Variants in NIPBL observed in about 807,000 individuals in gnomAD.
NIPBL encodes NIPBL cohesin loading factor, also known as nipped-B-like protein.
NIPBL carries 19 observed loss-of-function variants against 321.8 expected under a neutral mutation model. The observed-to-expected ratio is 0.06, with a 90% CI of 0.04 to 0.09. NIPBL has a LOEUF of 0.09. Ranked by LOEUF, NIPBL falls within the 10% of genes least tolerant of loss-of-function variation. NIPBL has a pLI of 1.00. For missense variants in NIPBL, 2,210 were observed against 3,327.0 expected (o/e 0.66, Z 8.26); for synonymous variants, 1,106 against 1,114.1 (o/e 0.99, Z 0.14).
chr5:36,901,643 G>A (rs1323063186), intron 1 of NIPBL, among the ~76,000 whole-genome samples: 1 of 151,694 alleles, frequency 6.6e-6, no homozygotes, highest in Non-Finnish European at 1.5e-5. Flanking sequence ...CCAAGTAGCG[G>A]GGATTACAGG....
At chr5:37,003,103 G>A (rs964225718) in intron 15 of NIPBL, among the ~76,000 whole-genome samples, 158 bp from the exon 16 acceptor site, 2 of 151,580 alleles carry the variant, frequency 1.3e-5, no homozygotes, top group African/African-American at 2.4e-5. Flanking sequence ...ATTTAGGGTC[G>A]TTGAGTAGAA....
At chr5:36,968,430 G>A (rs1405458804) in intron 6 of NIPBL, among the ~76,000 whole-genome samples, 2 of 151,972 alleles carry the variant, frequency 1.3e-5, no homozygotes, top group East Asian at 1.9e-4. Context: ...TTAGCTAGGC[G>A]TAGTGGCAGG....
At chr5:37,057,078 C>G in intron 42 of NIPBL, 108 bp from the exon 43 acceptor site, 1 of 1,054,560 alleles carries the variant, frequency 9.5e-7, no homozygotes, top group African/African-American at 1.6e-5. Context: ...TTATCTCTGT[C>G]TAACATTAAG....
chr5:37,064,174 A>G, intron 46 of NIPBL, 196 bp downstream of exon 46: 2 of 1,419,672 alleles, frequency 1.4e-6, no homozygotes, highest in Non-Finnish European at 1.8e-6. Context: ...GACAATAAAA[A>G]AACAGAAATG....
At chr5:36,964,381 G>C (rs1464626886) in intron 6 of NIPBL, among the ~76,000 whole-genome samples, 1 of 152,068 alleles carries the variant, frequency 6.6e-6, no homozygotes, top group Non-Finnish European at 1.5e-5. Flanking sequence ...AAATCAGCTT[G>C]ATACTAGCAT....
rs370599543 is a variant in NIPBL, at chr5:37,016,216, A to G, written c.4776+46A>G. 5.1e-5 allele frequency: 79 copies of G among 1,561,784 alleles called. No individual in the cohort carries two copies. In the African/African-American group the frequency reaches 9.9e-4, roughly 19 times the overall value. ...GATTATTAGATTACTAGAAGACAAC[A>G]TAATGAGGATGTACTCTGATTCACA... On this transcript the variant is annotated intron_variant, in intron 23 of 46. Transcript: ENST00000282516.
chr5:36,959,538 G>C (rs1316766802), intron 4 of NIPBL, among the ~76,000 whole-genome samples: 2 of 152,214 alleles, frequency 1.3e-5, no homozygotes, highest in Non-Finnish European at 2.9e-5. Context: ...AAGGAAGCTA[G>C]AGTTATGACG....
intron 42 of NIPBL, among the ~76,000 whole-genome samples, chr5:37,055,253 A>G (rs1753974516): frequency 6.6e-6 from 1 of 151,098 alleles, no homozygotes; most frequent in Non-Finnish European, 1.5e-5. Flanking sequence ...TGGGAGGCTG[A>G]GGCATGAGAA....
intron 1 of NIPBL, among the ~76,000 whole-genome samples, chr5:36,940,404 G>A (rs759457630): frequency 4.6e-5 from 7 of 152,076 alleles, no homozygotes; most frequent in Non-Finnish European, 8.8e-5. Context: ...TAATTTGTAC[G>A]TACCTTTTCT....
chr5:36,901,298 A>G (rs1340812415), intron 1 of NIPBL, among the ~76,000 whole-genome samples: 2 of 152,158 alleles, frequency 1.3e-5, no homozygotes, highest in Non-Finnish European at 2.9e-5. Flanking sequence ...ATGGCTACAT[A>G]GTATTCCATG....
At position 37,017,055 on chromosome 5, in the gene NIPBL, T is replaced by G. The variant is rs1283439560; in HGVS notation, c.4813T>G (p.Leu1605Val). The part of the protein sequence containing the change: ...QFSNKSTEMA[L>V]RVASLDYLGT... ...CAGTAACAAGTCAACAGAGATGGCT[T>G]TAAGAGTGGCATCTCTTGATTACCT... The change falls in exon 24 of 47, where the codon TTA (leucine) becomes GTA (valine). Residue 1605 changes from leucine to valine, a missense_variant. Leu to Val is a conservative substitution (Grantham distance 32). Coordinates refer to ENST00000282516, the MANE Select transcript of NIPBL (RefSeq NM_133433.4). 2 of 1,611,636 alleles carry G rather than the reference T, an allele frequency of 1.2e-6. No homozygotes were observed. The highest frequency in any genetic ancestry group is 1.7e-6 in the Non-Finnish European group (2 of 1,178,602).
chr5:36,902,169 G>T (rs1018142857), intron 1 of NIPBL, among the ~76,000 whole-genome samples: 2 of 151,878 alleles, frequency 1.3e-5, no homozygotes, highest in Non-Finnish European at 2.9e-5. Context: ...ACCTTTGTTG[G>T]ATGTATCGTT....
chr5:36,979,188 G>C (rs998728922), intron 9 of NIPBL, among the ~76,000 whole-genome samples: 1 of 151,700 alleles, frequency 6.6e-6, no homozygotes, highest in Non-Finnish European at 1.5e-5. Flanking sequence ...AGTATAGTCA[G>C]TTTTAACAAT....
intron 46 of NIPBL, 179 bp from the exon 47 acceptor site, chr5:37,064,348 A>ACAAGTAT (rs1755159231): frequency 3.0e-6 from 3 of 985,186 alleles, no homozygotes; most frequent in Non-Finnish European, 3.6e-6. Context: ...ATATGGTTTT[A>ACAAGTAT]CAAGTATATG....
chr5:36,984,317 A>G (rs1218241737), intron 9 of NIPBL, among the ~76,000 whole-genome samples: 2 of 152,048 alleles, frequency 1.3e-5, no homozygotes, highest in African/African-American at 2.4e-5. Context: ...TGGTTGCTTT[A>G]TTATTAGGAA....
At chr5:36,921,139 C>G (rs938493035) in intron 1 of NIPBL, among the ~76,000 whole-genome samples, 2 of 151,754 alleles carry the variant, frequency 1.3e-5, no homozygotes, top group African/African-American at 4.8e-5. Flanking sequence ...AAAAATTCAT[C>G]CTACACCACA....
chr5:36,902,545 T>G (rs940375123), intron 1 of NIPBL, among the ~76,000 whole-genome samples: 3 of 152,148 alleles, frequency 2.0e-5, no homozygotes, highest in African/African-American at 7.2e-5. Context: ...TGTCAGAGAT[T>G]AGATGTTTTA....
chr5:36,930,286 A>G (rs1049722013), intron 1 of NIPBL, among the ~76,000 whole-genome samples: 2 of 152,094 alleles, frequency 1.3e-5, no homozygotes, highest in African/African-American at 4.8e-5. Context: ...GATTTTTAAA[A>G]ATTTATTCCC....
chr5:37,045,625 TA>T (rs1752892814), intron 37 of NIPBL, 28 bp downstream of exon 37: 2 of 1,606,850 alleles, frequency 1.2e-6, no homozygotes, highest in African/African-American at 2.7e-5. Context: ...TAAAATGCTA[TA>T]AAACATAGAG....
Sources: gnomAD v4.1 joint callset for allele counts (sites outside exome capture counted in the v4.1 genomes callset) on GRCh38, gnomAD v4.1.1 for gene constraint, MANE v1.5 for transcripts, NCBI Gene and HGNC (gene_info 2026-07-23, HGNC 2026-07-21) for gene names.